Variants in ASTN2 observed in about 807,000 individuals in gnomAD.
The protein encoded by ASTN2 is astrotactin 2.
ASTN2 carries 54 observed loss-of-function variants against 139.8 expected under a neutral mutation model. The ratio of observed to expected loss-of-function variants is 0.39; its 90% CI spans 0.31 to 0.48. The LOEUF (loss-of-function observed/expected upper bound fraction) is 0.48. Ranked by LOEUF, ASTN2 falls within the 20% of genes least tolerant of loss-of-function variation. The pLI, the probability that ASTN2 is intolerant of heterozygous loss-of-function variation, is 0.95. For synonymous variants in ASTN2, 756 were observed against 719.5 expected (o/e 1.05, Z -0.81); for missense variants, 1,565 against 1,725.1 (o/e 0.91, Z 1.64).
intron 2 of ASTN2, among the ~76,000 whole-genome samples, chr9:117,270,627 G>A (rs142148591): frequency 9.9e-5 from 15 of 152,152 alleles, no homozygotes; most frequent in African/African-American, 3.6e-4. Flanking sequence ...TCTCACCATT[G>A]AGTGGCTCTG....
intron 2 of ASTN2, among the ~76,000 whole-genome samples, chr9:117,268,766 A>G (rs889899107): frequency 6.6e-6 from 1 of 152,134 alleles, no homozygotes; most frequent in Admixed American, 6.5e-5. Context: ...AGTTCCTACA[A>G]TGTGACATTA....
At chr9:117,111,334 G>A (rs1829243276) in intron 4 of ASTN2, among the ~76,000 whole-genome samples, 1 of 152,072 alleles carries the variant, frequency 6.6e-6, no homozygotes, top group African/African-American at 2.4e-5. Flanking sequence ...AAAGGAAATG[G>A]TGATTTTAAT....
At chr9:116,631,912 G>C (rs921384509) in intron 17 of ASTN2, among the ~76,000 whole-genome samples, 2 of 151,820 alleles carry the variant, frequency 1.3e-5, no homozygotes, top group Admixed American at 1.3e-4. Flanking sequence ...TCAAGAGATG[G>C]AGACCATCCT....
At chr9:116,838,118 T>G (rs1191977122) in intron 11 of ASTN2, among the ~76,000 whole-genome samples, 2 of 138,906 alleles carry the variant, frequency 1.4e-5, no homozygotes, top group Non-Finnish European at 3.1e-5. Context: ...TTTGTTTTGT[T>G]TTGTTTTTTG....
intron 2 of ASTN2, among the ~76,000 whole-genome samples, chr9:117,287,389 A>G (rs1834476985): frequency 6.6e-6 from 1 of 152,202 alleles, no homozygotes; most frequent in Non-Finnish European, 1.5e-5. Flanking sequence ...CACTCATGAA[A>G]TCTTATCAAT....
At chr9:117,370,422 TG>T (rs1231126245) in intron 1 of ASTN2, among the ~76,000 whole-genome samples, 1 of 152,168 alleles carries the variant, frequency 6.6e-6, no homozygotes, top group Non-Finnish European at 1.5e-5. Flanking sequence ...AGGGTGGTAC[TG>T]GGAGAAAGAA....
intron 19 of ASTN2, among the ~76,000 whole-genome samples, chr9:116,569,446 T>C (rs1395345261): frequency 6.6e-6 from 1 of 152,232 alleles, no homozygotes; most frequent in Non-Finnish European, 1.5e-5. Context: ...AATTAAGGCA[T>C]GTTATTAGAC....
At position 116,425,504 on chromosome 9, in the gene ASTN2, C is replaced by G. The variant is rs1397729746; in HGVS notation, c.*347G>C. 1 of 1,497,396 alleles carries G rather than the reference C, an allele frequency of 6.7e-7. No individual in the cohort carries two copies. Among genetic ancestry groups the G allele is most frequent in the African/African-American group, 1.4e-5 (1 of 71,790 alleles). The allele number at this position is 1,497,396 out of a possible 1,614,324, so 92.8% of individuals were successfully genotyped here. A position where few individuals can be genotyped will look rare whatever the true frequency, so the allele number is the denominator to read the frequency against. On this transcript the variant is annotated 3_prime_UTR_variant, in exon 23 of 23. Coordinates refer to ENST00000313400, the MANE Select transcript of ASTN2 (RefSeq NM_001365068.1). ...ATGGCAGGAAGAAAGCAGAGTGTGG[C>G]AGGAAGAAGGAAGAAGAGCAAAGGC...
chr9:117,076,289 A>G (rs1169389334), intron 5 of ASTN2, among the ~76,000 whole-genome samples: 1 of 151,982 alleles, frequency 6.6e-6, no homozygotes, highest in African/African-American at 2.4e-5. Context: ...GCAAGAGAAG[A>G]TTATCCCAGA....
At chr9:116,875,804 C>T (rs557324290) in intron 10 of ASTN2, among the ~76,000 whole-genome samples, 18 of 152,310 alleles carry the variant, frequency 1.2e-4, no homozygotes, top group African/African-American at 3.1e-4. Flanking sequence ...ATAAATAGAA[C>T]AGCAAAGCCT....
At chr9:117,023,239 A>G (rs1247365443) in intron 6 of ASTN2, among the ~76,000 whole-genome samples, 1 of 152,134 alleles carries the variant, frequency 6.6e-6, no homozygotes, top group Non-Finnish European at 1.5e-5. Flanking sequence ...GAAAGGAAAG[A>G]GAATGCCCAT....
intron 19 of ASTN2, among the ~76,000 whole-genome samples, chr9:116,495,355 C>A (rs1849637133): frequency 6.6e-6 from 1 of 152,156 alleles, no homozygotes; most frequent in Non-Finnish European, 1.5e-5. Flanking sequence ...GCTAAGGCCC[C>A]TTTTATCCTT....
rs143882479 is a variant in ASTN2 at position 116,763,817 on chromosome 9, A to G, written c.2397-30294T>C. Among the ~76,000 whole-genome samples, 33 of 152,228 alleles carry G rather than the reference A, an allele frequency of 2.2e-4. 1 individual carries two copies. The highest frequency in any genetic ancestry group is 7.2e-4 in the African/African-American group (30 of 41,534). ...TAGTAGATACCCAGTAAGCTCTCCT[A>G]TGGTTTCTTTTTTCTGCAACATGCA... On this transcript the variant is annotated intron_variant, in intron 13 of 22. Transcript: ENST00000313400.
At chr9:117,184,805 G>A (rs1831155965) in intron 3 of ASTN2, among the ~76,000 whole-genome samples, 1 of 152,136 alleles carries the variant, frequency 6.6e-6, no homozygotes, top group Non-Finnish European at 1.5e-5. Context: ...AGCAAGGAAG[G>A]GTCCAAGCTG....
At chr9:116,780,187 T>C (rs1345541958) in intron 13 of ASTN2, among the ~76,000 whole-genome samples, 1 of 152,204 alleles carries the variant, frequency 6.6e-6, no homozygotes, top group African/African-American at 2.4e-5. Context: ...AAGCAAACGG[T>C]AGAATACCAA....
intron 1 of ASTN2, among the ~76,000 whole-genome samples, chr9:117,399,905 T>G (rs967066568): frequency 5.5e-4 from 84 of 152,346 alleles, no homozygotes; most frequent in African/African-American, 1.9e-3. Flanking sequence ...AAATGATTGA[T>G]TAGCAATGTC....
intron 13 of ASTN2, among the ~76,000 whole-genome samples, chr9:116,768,299 C>A (rs1165179484): frequency 3.6e-5 from 5 of 140,254 alleles, no homozygotes; most frequent in African/African-American, 1.2e-4. Context: ...CTCCAATTTG[C>A]CAAAACTGCT....
chr9:116,566,847 T>C (rs1210429034), intron 19 of ASTN2, among the ~76,000 whole-genome samples: 3 of 152,162 alleles, frequency 2.0e-5, no homozygotes. Flanking sequence ...CTGGGATGCT[T>C]CTGCACAGCC....
intron 2 of ASTN2, among the ~76,000 whole-genome samples, chr9:117,290,599 A>T (rs1834563526): frequency 1.3e-5 from 2 of 152,342 alleles, no homozygotes; most frequent in African/African-American, 4.8e-5. Context: ...ATTTCCATAC[A>T]TGTATCCAGT....
Sources: gnomAD v4.1 joint callset for allele counts (sites outside exome capture counted in the v4.1 genomes callset) on GRCh38, gnomAD v4.1.1 for gene constraint, MANE v1.5 for transcripts, NCBI Gene and HGNC (gene_info 2026-07-23, HGNC 2026-07-21) for gene names.